The following ZNF324 variants were observed in gnomAD, a reference collection of about 807,000 sequenced individuals.
The protein encoded by ZNF324 is zinc finger protein 324, also known as zinc finger protein 324A.
In ZNF324, 3 loss-of-function variants were observed where a neutral mutation model predicts 10.3. The observed-to-expected ratio is 0.29, with a 90% CI of 0.13 to 0.75. The LOEUF is 0.75. Ranked by LOEUF, ZNF324 falls within the 30% of genes least tolerant of loss-of-function variation. The pLI is 0.69. For missense variants in ZNF324, 763 were observed against 784.4 expected (o/e 0.97, Z 0.33); for synonymous variants, 430 against 339.5 (o/e 1.27, Z -2.93).
At position 58,472,376 on chromosome 19, in the gene ZNF324, G is replaced by T; in HGVS notation, c.*222G>T. The T allele has an allele frequency of 1.8e-6, 1 of 569,900 alleles. No individual in the cohort carries two copies. Among genetic ancestry groups the T allele is most frequent in the Non-Finnish European group, 3.1e-6 (1 of 325,284 alleles). The allele number at this position is 569,900 out of a possible 1,614,324, so 35.3% of individuals were successfully genotyped here. On this transcript the variant is annotated 3_prime_UTR_variant, in exon 4 of 4. Transcript: ENST00000196482. ...AGGTAGCACTGCAGCAACATCAGGG[G>T]GAGGACGTGGTGGCTGAACTCTAGT...
At position 58,470,895 on chromosome 19, in the gene ZNF324, A is replaced by G; in HGVS notation, c.403A>G (p.Lys135Glu). The change falls in exon 4 of 4, where the codon AAA becomes GAA. Residue 135 changes from lysine to glutamate, a missense_variant. Physicochemically the swap from Lys to Glu is moderately conservative, Grantham distance 56. This residue lies in a region of ZNF324 where 379 missense variants were observed against 319.4 expected (regional missense o/e 1.19). Coordinates refer to ENST00000196482, the MANE Select transcript of ZNF324 (RefSeq NM_014347.3). The part of the protein sequence containing the change: ...QRGASPSRER[K>E]PTGVSVIYWE... ...GGGTGCCTCCCCATCTCGGGAGAGA[A>G]AACCCACGGGGGTGTCGGTGATCTA... 6.2e-7 allele frequency: 1 copy of G among 1,613,998 alleles called. No homozygotes were observed. Among genetic ancestry groups the G allele is most frequent in the Non-Finnish European group, 8.5e-7 (1 of 1,180,000 alleles).
chr19:58,469,319 A>G lies in ZNF324; in HGVS notation c.121+13A>G, dbSNP rs565859704. ...GTGGCCTCGCTGGGTAAGGTCCTAG[A>G]TACTCCATGAAATGGGCAACTGATA... is the stretch of plus-strand genomic sequence containing the variant. On this transcript the variant is annotated intron_variant, in intron 2 of 3. Coordinates refer to ENST00000196482, the MANE Select transcript of ZNF324 (RefSeq NM_014347.3). 1 of 1,611,876 alleles carries G rather than the reference A, an allele frequency of 6.2e-7. No individual in the cohort carries two copies. The highest frequency in any genetic ancestry group is 8.5e-7 in the Non-Finnish European group (1 of 1,178,928).
Position 58,471,909 on chromosome 19 carries a change from C to T in ZNF324, c.1417C>T (p.Arg473Cys). 2 of 1,610,600 alleles carry T rather than the reference C, an allele frequency of 1.2e-6. No individual in the cohort carries two copies. Among genetic ancestry groups the T allele is most frequent in the East Asian group, 2.2e-5 (1 of 44,834 alleles). Reference protein sequence around the residue: ...AKGAVLLSHRRIHTGEKPFVC... With the variant: ...AKGAVLLSHRCIHTGEKPFVC... ...GGGCGCCGTGCTGCTCAGCCACCGGCGCATTCACACGGGCGAGAAGCCCTT... is the reference window on the plus strand; with the variant it reads ...GGGCGCCGTGCTGCTCAGCCACCGGTGCATTCACACGGGCGAGAAGCCCTT... The change falls in exon 4 of 4, where the codon CGC becomes TGC. Residue 473 changes from arginine (R) to cysteine (C), a missense_variant. By Grantham distance (180) the Arg-to-Cys change is radical. Transcript: ENST00000196482.
At chr19:58,470,515 C>T (rs1332952631) in intron 3 of ZNF324, 1 of 670,522 alleles carries the variant, frequency 1.5e-6, no homozygotes, top group African/African-American at 1.8e-5. Flanking sequence ...GGGGCTGCCA[C>T]CTTGATCATG....
At position 58,472,057 on chromosome 19, in the gene ZNF324, C is replaced by A; in HGVS notation, c.1565C>A (p.Ser522Tyr). 6.2e-7 allele frequency: 1 copy of A among 1,605,436 alleles called. No homozygotes were observed. The highest frequency in any genetic ancestry group is 8.5e-7 in the Non-Finnish European group (1 of 1,178,692). ...SRASLHPQAR[S>Y]VAGASSEGAP... is the part of the protein sequence containing the mutation. ...GCCAGCCTGCACCCCCAGGCCAGGT[C>A]TGTTGCCGGGGCATCATCAGAAGGT... is the stretch of plus-strand genomic sequence containing the variant. Residue 522 changes from serine to tyrosine, a missense_variant, in exon 4 of 4, where the codon TCT becomes TAT. Around this residue, in one of 3 missense-constraint regions of ZNF324, gnomAD observed 231 missense variants for 196.0 expected, o/e 1.18. Transcript: ENST00000196482.
At position 58,473,609 on chromosome 19, in the gene ZNF324, T is replaced by C. The variant is rs1055622912; in HGVS notation, c.*1455T>C. On this transcript the variant is annotated 3_prime_UTR_variant, in exon 4 of 4. Coordinates refer to ENST00000196482, the MANE Select transcript of ZNF324 (RefSeq NM_014347.3). ...GTGAACGGTAGCAACCTGACACCTA[T>C]TTCACCCTCATACAATGCAGATGGT... 1 of 152,172 alleles carries C rather than the reference T, an allele frequency of 6.6e-6. No homozygotes were observed. Among genetic ancestry groups the C allele is most frequent in the African/African-American group, 2.4e-5 (1 of 41,434 alleles). The allele number at this position is 152,172 out of a possible 1,614,324, so 9.4% of individuals were successfully genotyped here.
rs1161705481 is a variant in ZNF324 at position 58,474,849 on chromosome 19, AAGTT to A, written c.*2698_*2701del. ...CTAGAAGTGGGTGAGAGCTGTCACT[AAGTT>A]AGGGAAGGCAAAATACTACGTGGCG... is the stretch of plus-strand genomic sequence containing the variant. On this transcript the variant is annotated 3_prime_UTR_variant, in exon 4 of 4. Coordinates refer to ENST00000196482, the MANE Select transcript of ZNF324 (RefSeq NM_014347.3). 1.3e-5 allele frequency: 2 copies of A among 152,216 alleles called. No individual in the cohort carries two copies. The highest frequency in any genetic ancestry group is 3.9e-4 in the East Asian group (2 of 5,184). 9.4% of individuals were successfully genotyped at this position (152,216 alleles called of 1,614,324 possible).
chr19:58,470,739 A>G lies in ZNF324; in HGVS notation c.247A>G (p.Ser83Gly), dbSNP rs1344927248. 1.2e-6 allele frequency: 2 copies of G among 1,614,014 alleles called. No individual in the cohort carries two copies. The highest frequency in any genetic ancestry group is 1.7e-6 in the Non-Finnish European group (2 of 1,180,038). The change falls in exon 4 of 4, where the codon AGT becomes GGT. Residue 83 changes from serine (S) to glycine (G), a missense_variant. Physicochemically the swap from Ser to Gly is moderately conservative, Grantham distance 56. Coordinates refer to ENST00000196482, the MANE Select transcript of ZNF324 (RefSeq NM_014347.3). ...TYRRRNPGSW[S>G]LTEDRDVSGE... The stretch of plus-strand genomic sequence containing the variant: ...TGTTTCTCTGCCTTTAGGTTCCTGG[A>G]GTTTGACAGAGGATAGAGATGTTTC...
In ZNF324 at chr19:58,471,208, A is replaced by C; in HGVS notation, c.716A>C (p.Glu239Ala). Residue 239 changes from glutamate (E) to alanine (A), a missense_variant, in exon 4 of 4, where the codon GAG becomes GCG. This residue lies in a region of ZNF324 where 379 missense variants were observed against 319.4 expected (regional missense o/e 1.19). Coordinates refer to ENST00000196482, the MANE Select transcript of ZNF324 (RefSeq NM_014347.3). ...CCTCATAGACTCCTCGGTGGCCAGG[A>C]GCCCTCGACCTGGGACGAGCTGGGC... ...QEPHRLLGGQ[E>A]PSTWDELGEA... is the part of the protein sequence containing the mutation. 1 of 1,613,688 alleles carries C rather than the reference A, an allele frequency of 6.2e-7. No homozygotes were observed. Among genetic ancestry groups the C allele is most frequent in the Non-Finnish European group, 8.5e-7 (1 of 1,179,964 alleles).
rs773791528 is a variant in ZNF324 at position 58,472,858 on chromosome 19, T to C, written c.*704T>C. 1 of 152,580 alleles carries C rather than the reference T, an allele frequency of 6.6e-6. No individual in the cohort carries two copies. The highest frequency in any genetic ancestry group is 6.5e-5 in the Admixed American group (1 of 15,280). The allele number at this position is 152,580 out of a possible 1,614,324, so 9.5% of individuals were successfully genotyped here. A position where few individuals can be genotyped will look rare whatever the true frequency, so the allele number is the denominator to read the frequency against. ...CTGTGAGATGGCTCTGTGGCTGGTA[T>C]CCCGACTTGGAAGATGAGGAAACTG... is the stretch of plus-strand genomic sequence containing the variant. On this transcript the variant is annotated 3_prime_UTR_variant, in exon 4 of 4. Transcript: ENST00000196482.
rs1486513666 is a variant in ZNF324 at position 58,469,758 on chromosome 19, T to A, written c.152T>A (p.Ile51Asn). ...GLSTSRPRVV[I>N]QLERGEEPWV... ...TCCACCTCTCGACCTCGTGTGGTCA[T>A]CCAACTGGAGCGTGGCGAGGAGCCC... Residue 51 changes from isoleucine to asparagine, a missense_variant, in exon 3 of 4, where the codon ATC becomes AAC. This residue lies in a region of ZNF324 where 379 missense variants were observed against 319.4 expected (regional missense o/e 1.19). Coordinates refer to ENST00000196482, the MANE Select transcript of ZNF324 (RefSeq NM_014347.3). 1 of 1,589,438 alleles carries A rather than the reference T, an allele frequency of 6.3e-7. No individual in the cohort carries two copies. The highest frequency in any genetic ancestry group is 1.7e-4 in the Middle Eastern group (1 of 6,024).
At position 58,474,631 on chromosome 19, in the gene ZNF324, C is replaced by T. The variant is rs973007428; in HGVS notation, c.*2477C>T. 1 of 152,184 alleles carries T rather than the reference C, an allele frequency of 6.6e-6. No individual in the cohort carries two copies. Among genetic ancestry groups the T allele is most frequent in the Non-Finnish European group, 1.5e-5 (1 of 68,088 alleles). 9.4% of individuals were successfully genotyped at this position (152,184 alleles called of 1,614,324 possible). On this transcript the variant is annotated 3_prime_UTR_variant, in exon 4 of 4. Transcript: ENST00000196482. Reference sequence around the variant, plus strand: ...TCGGCTGACCTCCCTCCAACCTCCCCCTCTGCTCTTAATTTTGAATAGGTA... The same window carrying T: ...TCGGCTGACCTCCCTCCAACCTCCCTCTCTGCTCTTAATTTTGAATAGGTA...
rs942439886 is a variant in ZNF324, at chr19:58,474,810, A to G, written c.*2656A>G. ...GATGGTGACAGAGGAGTCAGGAGCAATGGCATTCCTAAGCTAGAAGTGGGT... is the reference window on the plus strand; with the variant it reads ...GATGGTGACAGAGGAGTCAGGAGCAGTGGCATTCCTAAGCTAGAAGTGGGT... On this transcript the variant is annotated 3_prime_UTR_variant, in exon 4 of 4. Transcript: ENST00000196482. The G allele has an allele frequency of 5.3e-5, 8 of 152,326 alleles. No individual in the cohort carries two copies. Among genetic ancestry groups the G allele is most frequent in the African/African-American group, 1.4e-4 (6 of 41,452 alleles). The allele number at this position is 152,326 out of a possible 1,614,324, so 9.4% of individuals were successfully genotyped here.
chr19:58,470,863 G>C lies in ZNF324; in HGVS notation c.371G>C (p.Arg124Thr), dbSNP rs767990501. ...TGCCACAGTGTAAAAAGCCTGCAGA[G>C]ACAACGGGGTGCCTCCCCATCTCGG... is the stretch of plus-strand genomic sequence containing the variant. ...GACHSVKSLQ[R>T]QRGASPSRER... Residue 124 changes from arginine (R) to threonine (T), a missense_variant, in exon 4 of 4, where the codon AGA (arginine) becomes ACA (threonine). Physicochemically the swap from Arg to Thr is moderately conservative, Grantham distance 71. Around this residue, in one of 3 missense-constraint regions of ZNF324, gnomAD observed 379 missense variants for 319.4 expected, o/e 1.19. Transcript: ENST00000196482. 1.2e-6 allele frequency: 2 copies of C among 1,614,238 alleles called. No individual in the cohort carries two copies. Among genetic ancestry groups the C allele is most frequent in the South Asian group, 2.2e-5 (2 of 91,086 alleles).
At position 58,471,816 on chromosome 19, in the gene ZNF324, C is replaced by T. The variant is rs1448123920; in HGVS notation, c.1324C>T (p.Gln442Ter). 1.9e-6 allele frequency: 3 copies of T among 1,613,072 alleles called. No homozygotes were observed. The highest frequency in any genetic ancestry group is 2.7e-5 in the African/African-American group (2 of 74,938). Residue 442 changes from glutamine to a stop codon, truncating the protein, a stop_gained, in exon 4 of 4, where the codon CAG becomes TAG. Transcript: ENST00000196482. LOFTEE classifies it low-confidence loss of function (END_TRUNC). ...RAFSHSSNLT[Q>*]HQLLHTGERP... is the part of the protein sequence containing the mutation. ...CTTTAGCCACAGCTCCAACCTCACC[C>T]AGCACCAGCTCCTGCACACGGGCGA...
chr19:58,472,120 G>A lies in ZNF324; in HGVS notation c.1628G>A (p.Gly543Asp). 1.3e-6 allele frequency: 2 copies of A among 1,590,834 alleles called. No homozygotes were observed. Among genetic ancestry groups the A allele is most frequent in the Non-Finnish European group, 1.7e-6 (2 of 1,169,786 alleles). The change falls in exon 4 of 4, where the codon GGC becomes GAC. Residue 543 changes from glycine to aspartate, a missense_variant. Gly to Asp is a moderately conservative substitution (Grantham distance 94, BLOSUM62 -1). This residue lies in a region of ZNF324 where 231 missense variants were observed against 196.0 expected (regional missense o/e 1.18). Transcript: ENST00000196482. ...GAAACCGAGCCCACTCCCGCCTCGG[G>A]CCCAGCCGCCGTCTCGCAGCCAGCG... Reference protein sequence around the residue: ...AKETEPTPASGPAAVSQPAEV With the variant: ...AKETEPTPASDPAAVSQPAEV
chr19:58,468,387 G>A (rs1205547815), intron 1 of ZNF324, among the ~76,000 whole-genome samples: 1 of 152,080 alleles, frequency 6.6e-6, no homozygotes, highest in Non-Finnish European at 1.5e-5. Flanking sequence ...AACAGAGAGG[G>A]GAAGAAAGGG....
Position 58,472,138 on chromosome 19 carries a change from A to T in ZNF324, c.1646A>T (p.Gln549Leu), listed in dbSNP as rs1379280727. 2.5e-6 allele frequency: 4 copies of T among 1,582,996 alleles called. No individual in the cohort carries two copies. Among genetic ancestry groups the T allele is most frequent in the Non-Finnish European group, 3.4e-6 (4 of 1,166,116 alleles). The change falls in exon 4 of 4, where the codon CAG becomes CTG. Residue 549 changes from glutamine to leucine, a missense_variant. Transcript: ENST00000196482. ...GCCTCGGGCCCAGCCGCCGTCTCGC[A>T]GCCAGCGGAGGTCTGAGGTCACAGG... ...TPASGPAAVSQPAEV is the reference protein window; with the variant it reads ...TPASGPAAVSLPAEV
chr19:58,472,411 A>C lies in ZNF324; in HGVS notation c.*257A>C. ...GTGGCTGAACTCTAGTGGGGCCGAG[A>C]CTATTCAGAGCCAGTAGGAGGCCGA... On this transcript the variant is annotated 3_prime_UTR_variant, in exon 4 of 4. Transcript: ENST00000196482. The C allele has an allele frequency of 1.9e-6, 1 of 526,632 alleles. No individual in the cohort carries two copies. Among genetic ancestry groups the C allele is most frequent in the Non-Finnish European group, 3.4e-6 (1 of 296,110 alleles). The allele number at this position is 526,632 out of a possible 1,614,324, so 32.6% of individuals were successfully genotyped here.
Sources: allele counts gnomAD v4.1 joint callset (sites outside exome capture counted in the v4.1 genomes callset), GRCh38; gene constraint gnomAD v4.1.1; regional missense constraint gnomAD v4.1.1; transcripts MANE v1.5; gene names NCBI Gene and HGNC (gene_info 2026-07-23, HGNC 2026-07-21).